The following COPG2 variants were observed in gnomAD, a reference collection of about 807,000 sequenced individuals.
COPG2 encodes the protein coatomer subunit gamma-2.
A neutral mutation model predicts 46.3 loss-of-function variants in COPG2; 37 were observed. That is an observed-to-expected ratio of 0.80 (90% CI 0.61 to 1.05). COPG2 has a LOEUF of 1.05. Among genes scored for constraint, COPG2 ranks in the 50% least tolerant of loss-of-function variants. The pLI is 0.00. For synonymous variants in COPG2, 159 were observed against 129.7 expected, an observed-to-expected ratio of 1.23 and a Z score of -1.53; for missense variants, 427 against 387.8, an observed-to-expected ratio of 1.10 and a Z score of -0.85.
intron 4 of COPG2, among the ~76,000 whole-genome samples, chr7:130,662,043 A>C (rs576600893): frequency 6.6e-6 from 1 of 152,198 alleles, no homozygotes; most frequent in Non-Finnish European, 1.5e-5. Context: ...AGTAGAATGA[A>C]GATATATGGA....
At chr7:130,658,768 C>G (rs564233890) in intron 4 of COPG2, among the ~76,000 whole-genome samples, 1 of 152,130 alleles carries the variant, frequency 6.6e-6, no homozygotes, top group South Asian at 2.1e-4. Flanking sequence ...GCAATCTCCC[C>G]CTCCTGGGTT....
In COPG2 at chr7:130,506,792, C is replaced by T. The variant is rs369192845; in HGVS notation, c.2500G>A (p.Gly834Ser). 1 of 779,482 alleles carries T rather than the reference C, an allele frequency of 1.3e-6. No homozygotes were observed. Among genetic ancestry groups the T allele is most frequent in the Non-Finnish European group, 2.4e-6 (1 of 417,306 alleles). The allele number at this position is 779,482 out of a possible 1,614,324, so 48.3% of individuals were successfully genotyped here. ...CTGGACCTCACCAATAAATCATAGC[C>T]ACCTCTGAATATACCTGAGAGAAAA... ...SLYLAGIFRGGYDLLVRSRLA... is the reference protein window; with the variant it reads ...SLYLAGIFRGSYDLLVRSRLA... Residue 834 changes from glycine (G) to serine (S), a missense_variant, in exon 24 of 24, where the codon GGC becomes AGC. Transcript: ENST00000425248.
rs1158918044 is a variant in COPG2 at position 130,550,411 on chromosome 7, C to CAAA, written c.1774+110_1774+112dup. The CAAA allele has an allele frequency of 4.0e-3, 413 of 102,620 alleles. 5 individuals are homozygous for CAAA. The highest frequency in any genetic ancestry group is 5.9e-3 in the African/African-American group (89 of 15,104). The allele number at this position is 102,620 out of a possible 1,614,324, so 6.4% of individuals were successfully genotyped here. Reference sequence around the variant, plus strand: ...GTGCGACGGGAGTGAGACTCTATCTCAAAAAAAAAAAAAAAAAAAAAGAGT... The same window carrying CAAA: ...GTGCGACGGGAGTGAGACTCTATCTCAAAAAAAAAAAAAAAAAAAAAAAAGAGT... On this transcript the variant is annotated intron_variant, in intron 17 of 23. Coordinates refer to ENST00000425248, the MANE Select transcript of COPG2 (RefSeq NM_012133.6).
chr7:130,608,210 C>T (rs1554451546), intron 9 of COPG2: 1 of 467,868 alleles, frequency 2.1e-6, no homozygotes, highest in Admixed American at 2.3e-5. Flanking sequence ...TATACTACTG[C>T]ATGATACAAA....
intron 1 of COPG2, 74 bp from the exon 2 acceptor site, chr7:130,667,608 G>A: frequency 7.4e-6 from 9 of 1,209,168 alleles, no homozygotes; most frequent in African/African-American, 1.5e-5. Context: ...CCAGAGAAGG[G>A]TACTGAATGC....
In COPG2 at chr7:130,507,373, CTG is replaced by C. The variant is rs1358074247; in HGVS notation, c.2387-3_2387-2del. ...AATGTGATGATATTGTTGACAGCCTCTGTGTTGAGAAGATGTATGAGACAGTA... is the reference window on the plus strand; with the variant it reads ...AATGTGATGATATTGTTGACAGCCTCTGTTGAGAAGATGTATGAGACAGTA... On this transcript the variant is annotated splice_acceptor_variant and splice_polypyrimidine_tract_variant and intron_variant, in intron 22 of 23. Coordinates refer to ENST00000425248, the MANE Select transcript of COPG2 (RefSeq NM_012133.6). LOFTEE classifies it high-confidence loss of function. 1 of 780,572 alleles carries C rather than the reference CTG, an allele frequency of 1.3e-6. No homozygotes were observed. Among genetic ancestry groups the C allele is most frequent in the Non-Finnish European group, 2.4e-6 (1 of 417,792 alleles). 48.4% of individuals were successfully genotyped at this position (780,572 alleles called of 1,614,324 possible).
intron 5 of COPG2, among the ~76,000 whole-genome samples, chr7:130,639,355 T>C (rs1444444733): frequency 5.9e-5 from 9 of 152,240 alleles, no homozygotes. Flanking sequence ...GTAGCTGCTT[T>C]AAAGTATTTA....
intron 5 of COPG2, among the ~76,000 whole-genome samples, chr7:130,623,700 A>G (rs1414981037): frequency 6.6e-6 from 1 of 152,194 alleles, no homozygotes; most frequent in Non-Finnish European, 1.5e-5. Flanking sequence ...AAAAACAGGC[A>G]ATAACTCTGG....
chr7:130,524,581 C>T (rs1346539592), intron 20 of COPG2, among the ~76,000 whole-genome samples: 3 of 151,982 alleles, frequency 2.0e-5, no homozygotes, highest in Non-Finnish European at 2.9e-5. Flanking sequence ...AGGAGGGATG[C>T]GCTGCAGTAA....
At chr7:130,585,781 T>TG (rs782759695) in intron 9 of COPG2, among the ~76,000 whole-genome samples, 1 of 152,020 alleles carries the variant, frequency 6.6e-6, no homozygotes, top group African/African-American at 2.4e-5. Context: ...ACCTTACTCC[T>TG]GCAAGAATGG....
At chr7:130,606,300 GA>G (rs1554451233) in intron 9 of COPG2, among the ~76,000 whole-genome samples, 1 of 150,158 alleles carries the variant, frequency 6.7e-6, no homozygotes, top group Non-Finnish European at 1.5e-5. Flanking sequence ...GAGAGAGAAA[GA>G]AAAGAAAGAA....
intron 5 of COPG2, among the ~76,000 whole-genome samples, chr7:130,638,261 A>G (rs1213274319): frequency 1.3e-5 from 2 of 151,844 alleles, no homozygotes; most frequent in Non-Finnish European, 2.9e-5. Context: ...CTGTTCTGGG[A>G]GATCTGCTGT....
chr7:130,610,056 T>C, intron 9 of COPG2: 1 of 518,406 alleles, frequency 1.9e-6, no homozygotes, highest in Non-Finnish European at 3.9e-6. Context: ...GGGTCATCTG[T>C]AAGTCAGCTT....
chr7:130,541,304 C>T (rs1193178925), intron 20 of COPG2, among the ~76,000 whole-genome samples: 10 of 151,688 alleles, frequency 6.6e-5, no homozygotes, highest in East Asian at 5.8e-4. Flanking sequence ...GTGGGCTGTG[C>T]GGGTGAGAGC....
At chr7:130,608,894 G>A (rs923146302) in intron 9 of COPG2, among the ~76,000 whole-genome samples, 1 of 151,874 alleles carries the variant, frequency 6.6e-6, no homozygotes, top group Admixed American at 6.6e-5. Flanking sequence ...TTGAGATGGG[G>A]ATCTCACTCT....
chr7:130,509,004 A>G (rs1554440617), intron 20 of COPG2: 1 of 463,416 alleles, frequency 2.2e-6, no homozygotes, highest in Admixed American at 2.6e-5. Context: ...AAATATTTTG[A>G]GAACCACTGC....
At chr7:130,636,005 T>C (rs1389783493) in intron 5 of COPG2, among the ~76,000 whole-genome samples, 1 of 152,114 alleles carries the variant, frequency 6.6e-6, no homozygotes, top group Non-Finnish European at 1.5e-5. Flanking sequence ...TCCATGTAGT[T>C]GTATGGTTTG....
chr7:130,625,891 C>G (rs1270673190), intron 5 of COPG2, among the ~76,000 whole-genome samples: 6 of 151,908 alleles, frequency 3.9e-5, no homozygotes, highest in Non-Finnish European at 5.9e-5. Context: ...TTTATTCCTT[C>G]CTTTTCATTG....
Position 130,543,797 on chromosome 7 carries a change from T to C in COPG2, c.2149+3877A>G, listed in dbSNP as rs955311386. Reference sequence around the variant, plus strand: ...GTTGCATTCTGTAGAGATAGGATCATTTAAGTCAAGTCAGCAACAAAAATT... The same window carrying C: ...GTTGCATTCTGTAGAGATAGGATCACTTAAGTCAAGTCAGCAACAAAAATT... On this transcript the variant is annotated intron_variant, in intron 20 of 23. Coordinates refer to ENST00000425248, the MANE Select transcript of COPG2 (RefSeq NM_012133.6). 2.4e-4 allele frequency among the ~76,000 whole-genome samples: 37 copies of C among 152,280 alleles called. No homozygotes were observed. The South Asian group carries it at 7.7e-3, about 32-fold the overall frequency.
Sources: gnomAD v4.1 joint callset for allele counts (sites outside exome capture counted in the v4.1 genomes callset) on GRCh38, gnomAD v4.1.1 for gene constraint, MANE v1.5 for transcripts, NCBI Gene and HGNC (gene_info 2026-07-23, HGNC 2026-07-21) for gene names.